FRY: variants seen among roughly 807,000 people sequenced by gnomAD.
The protein encoded by FRY is FRY microtubule binding protein.
A neutral mutation model predicts 348.4 loss-of-function variants in FRY; 128 were observed. The observed-to-expected ratio is 0.37, with a 90% CI of 0.32 to 0.43. FRY has a LOEUF of 0.43. FRY is among the 20% of genes least tolerant of loss of function. FRY has a pLI of 1.00. For missense variants in FRY, 2,736 were observed against 3,695.2 expected (o/e 0.74, Z 6.73); for synonymous variants, 1,370 against 1,374.7 (o/e 1.00, Z 0.08).
At chr13:32,047,959 G>A (rs543810076) in intron 1 of FRY, among the ~76,000 whole-genome samples, 1 of 152,278 alleles carries the variant, frequency 6.6e-6, no homozygotes, top group African/African-American at 2.4e-5. Context: ...TATCCTGTGT[G>A]TATGAGTTTC....
intron 14 of FRY, among the ~76,000 whole-genome samples, chr13:32,154,686 G>A (rs922339381): frequency 4.6e-5 from 7 of 152,122 alleles, no homozygotes; most frequent in African/African-American, 9.7e-5. Flanking sequence ...CCTAGTAATC[G>A]TCATTATTTT....
chr13:32,178,116 TTGA>T lies in FRY; in HGVS notation c.2422-57_2422-55del, dbSNP rs201171051. On this transcript the variant is annotated intron_variant, in intron 20 of 60. Transcript: ENST00000542859. Reference sequence around the variant, plus strand: ...CAAGAATGAGTAGTCAGGCTGAGCCTTGATGAGGATGGATAACTTCAGTTCGGG... The same window carrying T: ...CAAGAATGAGTAGTCAGGCTGAGCCTTGAGGATGGATAACTTCAGTTCGGG... 5.2e-4 allele frequency: 829 copies of T among 1,583,252 alleles called. 6 individuals are homozygous for T. The African/African-American group carries it at 9.6e-3, about 18-fold the overall frequency.
rs117317490 is a variant in FRY at position 32,278,016 on chromosome 13, A to C, written c.8386-449A>C. 4.3e-3 allele frequency among the ~76,000 whole-genome samples: 654 copies of C among 152,316 alleles called. 3 individuals carry two copies. The highest frequency in any genetic ancestry group is 0.018 in the South Asian group (87 of 4,824). On this transcript the variant is annotated intron_variant, in intron 57 of 60. Coordinates refer to ENST00000542859, the MANE Select transcript of FRY (RefSeq NM_023037.3). ...ACCATAATAGCCTTTCTTATAGTGA[A>C]GGAGATCTGCCCCATAGCAGATGCA...
chr13:32,166,078 A>G (rs747283787), intron 17 of FRY, among the ~76,000 whole-genome samples: 3 of 146,300 alleles, frequency 2.1e-5, no homozygotes, highest in Non-Finnish European at 4.5e-5. Context: ...AGGCCTGCTT[A>G]GTGCTCCTGA....
At position 32,297,506 on chromosome 13, in the gene FRY, A is replaced by G. The variant is rs184600709; in HGVS notation, c.*2046A>G. 6 of 144,940 alleles carry G rather than the reference A, an allele frequency of 4.1e-5. No homozygotes were observed. Among genetic ancestry groups the G allele is most frequent in the Admixed American group, 1.4e-4 (2 of 14,572 alleles). 9.0% of individuals were successfully genotyped at this position (144,940 alleles called of 1,614,324 possible). ...ATGGTTTACTCTTAAAAAGGGAAGG[A>G]AAAAAAAAAAGGATTTCAACAGTAC... On this transcript the variant is annotated 3_prime_UTR_variant, in exon 61 of 61. Coordinates refer to ENST00000542859, the MANE Select transcript of FRY (RefSeq NM_023037.3).
intron 1 of FRY, among the ~76,000 whole-genome samples, chr13:32,056,841 T>C (rs1285967398): frequency 5.3e-5 from 8 of 152,318 alleles, no homozygotes; most frequent in African/African-American, 1.4e-4. Context: ...ACAAATAAAA[T>C]GTGACCATTT....
Position 32,179,818 on chromosome 13 carries a change from G to A in FRY, c.2996+19G>A. 6.2e-7 allele frequency: 1 copy of A among 1,610,544 alleles called. No individual in the cohort carries two copies. Among genetic ancestry groups the A allele is most frequent in the Non-Finnish European group, 8.5e-7 (1 of 1,176,824 alleles). ...TTTTCAGGTACAGTAGTCTTAATGA[G>A]TTGTTCTAAATTCATACATGCTGCT... On this transcript the variant is annotated intron_variant, in intron 23 of 60. Coordinates refer to ENST00000542859, the MANE Select transcript of FRY (RefSeq NM_023037.3).
intron 36 of FRY, among the ~76,000 whole-genome samples, chr13:32,222,556 G>T (rs1288137353): frequency 6.6e-6 from 1 of 152,172 alleles, no homozygotes; most frequent in African/African-American, 2.4e-5. Context: ...GGACAAGGAT[G>T]GAAGCAGTGA....
rs540716091 is a variant in FRY at position 32,296,527 on chromosome 13, C to G, written c.*1067C>G. ...CTGCAGAAACATATTCAGAGTTTAT[C>G]TATGTAACTTATTCACTCTGTAAAT... On this transcript the variant is annotated 3_prime_UTR_variant, in exon 61 of 61. Coordinates refer to ENST00000542859, the MANE Select transcript of FRY (RefSeq NM_023037.3). The G allele has an allele frequency of 2.6e-5, 4 of 151,166 alleles. No homozygotes were observed. Among genetic ancestry groups the G allele is most frequent in the African/African-American group, 9.8e-5 (4 of 40,964 alleles). The allele number at this position is 151,166 out of a possible 1,614,324, so 9.4% of individuals were successfully genotyped here. A position where few individuals can be genotyped will look rare whatever the true frequency, so the allele number is the denominator to read the frequency against.
chr13:32,240,876 C>T (rs1458920722), intron 46 of FRY, among the ~76,000 whole-genome samples: 3 of 152,194 alleles, frequency 2.0e-5, no homozygotes, highest in Non-Finnish European at 2.9e-5. Flanking sequence ...CTCAAAGGCT[C>T]CACAAGCCTG....
At chr13:32,037,614 T>C (rs749938724) in intron 1 of FRY, among the ~76,000 whole-genome samples, 1 of 152,160 alleles carries the variant, frequency 6.6e-6, no homozygotes, top group Non-Finnish European at 1.5e-5. Flanking sequence ...CAAACAGCAG[T>C]AGGCAAGAAG....
rs754233871 is a variant in FRY, at chr13:32,209,587, T to C, written c.4278T>C (p.Tyr1426=). 3.7e-6 allele frequency: 6 copies of C among 1,613,918 alleles called. No individual in the cohort carries two copies. In the East Asian group the frequency reaches 8.9e-5, roughly 24 times the overall value. Residue 1426 remains tyrosine (Y), a splice_region_variant and synonymous_variant, in exon 33 of 61, where the codon TAT becomes TAC. Transcript: ENST00000542859. The part of the protein sequence containing the change: ...LNNLMYMTAK[Y]GDEVPGPEME... Reference sequence around the variant, plus strand: ...GGCCGGTTTTTATTTTGTTATAGTATGGAGATGAAGTTCCTGGGCCAGAAA... The same window carrying C: ...GGCCGGTTTTTATTTTGTTATAGTACGGAGATGAAGTTCCTGGGCCAGAAA...
At chr13:32,168,599 A>G (rs747671770) in intron 17 of FRY, among the ~76,000 whole-genome samples, 2 of 152,268 alleles carry the variant, frequency 1.3e-5, no homozygotes, top group Non-Finnish European at 2.9e-5. Context: ...TTGGAAGCCC[A>G]GGTTAAAGCC....
At chr13:32,245,359 C>T (rs1189047276) in intron 47 of FRY, among the ~76,000 whole-genome samples, 2 of 151,878 alleles carry the variant, frequency 1.3e-5, no homozygotes, top group African/African-American at 4.8e-5. Flanking sequence ...AATCCCAGCA[C>T]TTTGGGAGGC....
intron 8 of FRY, among the ~76,000 whole-genome samples, chr13:32,133,430 T>C (rs1364408906): frequency 6.6e-6 from 1 of 152,230 alleles, no homozygotes; most frequent in East Asian, 1.9e-4. Flanking sequence ...TATTTTATTA[T>C]TTATCCCACT....
chr13:32,131,729 G>A lies in FRY; in HGVS notation c.774G>A (p.Glu258=). The change falls in exon 8 of 61, where the codon GAG becomes GAA. Residue 258 remains glutamate (E), a synonymous_variant. Transcript: ENST00000542859. ...AGCTAAAAGAATTACGGCACAAAGA[G>A]CAGAACCCATATGTGGTTCAAAGCA... ...MAELKELRHK[E]QNPYVVQSII... 6 of 1,613,514 alleles carry A rather than the reference G, an allele frequency of 3.7e-6. No homozygotes were observed. Among genetic ancestry groups the A allele is most frequent in the Non-Finnish European group, 5.1e-6 (6 of 1,179,418 alleles).
chr13:32,189,771 A>C (rs1192353234), intron 28 of FRY, among the ~76,000 whole-genome samples: 1 of 152,108 alleles, frequency 6.6e-6, no homozygotes, highest in African/African-American at 2.4e-5. Flanking sequence ...ATGAAGAGGA[A>C]ATACATCCCA....
intron 28 of FRY, among the ~76,000 whole-genome samples, chr13:32,189,266 T>G (rs551200862): frequency 3.3e-5 from 5 of 152,274 alleles, no homozygotes; most frequent in Admixed American, 2.0e-4. Flanking sequence ...CTTCTCCTTC[T>G]TAGTGCCTCA....
At chr13:32,059,545 C>CTT (rs11427161) in intron 1 of FRY, among the ~76,000 whole-genome samples, 7 of 148,700 alleles carry the variant, frequency 4.7e-5, no homozygotes, top group African/African-American at 1.5e-4. Flanking sequence ...TTTCTTTCAT[C>CTT]TTTTTTTTGT....
Sources: gnomAD v4.1 joint callset for allele counts (sites outside exome capture counted in the v4.1 genomes callset) on GRCh38, gnomAD v4.1.1 for gene constraint, MANE v1.5 for transcripts, NCBI Gene and HGNC (gene_info 2026-07-23, HGNC 2026-07-21) for gene names.